Variants in ACAN observed in about 807,000 individuals in gnomAD.
The protein encoded by ACAN is aggrecan.
A neutral mutation model predicts 169.1 loss-of-function variants in ACAN; 47 were observed. The observed-to-expected ratio is 0.28, with a 90% CI of 0.22 to 0.35. The LOEUF (loss-of-function observed/expected upper bound fraction) is 0.35. Among genes scored for constraint, ACAN ranks in the 10% least tolerant of loss-of-function variants. The pLI is 1.00. For missense variants in ACAN, 2,716 were observed against 2,759.9 expected (o/e 0.98, Z 0.36); for synonymous variants, 1,115 against 1,112.2 (o/e 1.00, Z -0.05).
rs1413843996 is a variant in ACAN, at chr15:88,861,632, G to A, written c.6946+1193G>A. On this transcript the variant is annotated intron_variant, in intron 13 of 18. Coordinates refer to ENST00000560601, the MANE Select transcript of ACAN (RefSeq NM_001369268.1). The surrounding 1 kb of genome is among the most constrained non-coding windows in gnomAD (Gnocchi z 6.3). Reference sequence around the variant, plus strand: ...AGGACAGAGAGGGTGGGCTATCCTGGGAAGGTCCCGGGCTTACTGCAGAAG... The same window carrying A: ...AGGACAGAGAGGGTGGGCTATCCTGAGAAGGTCCCGGGCTTACTGCAGAAG... Among the ~76,000 whole-genome samples, 1 of 152,038 alleles carries A rather than the reference G, an allele frequency of 6.6e-6. No homozygotes were observed. The highest frequency in any genetic ancestry group is 2.4e-5 in the African/African-American group (1 of 41,384).
At chr15:88,806,032 A>G (rs1427460045) in intron 1 of ACAN, among the ~76,000 whole-genome samples, 2 of 152,228 alleles carry the variant, frequency 1.3e-5, no homozygotes, top group Non-Finnish European at 2.9e-5. Flanking sequence ...GACAGCCTGC[A>G]TGCAAGGAAG....
In ACAN at chr15:88,874,081, C is replaced by T. The variant is rs768331873; in HGVS notation, c.7630+57C>T. On this transcript the variant is annotated intron_variant, in intron 18 of 18. Transcript: ENST00000560601. This position sits in a 1 kb window ranked among gnomAD's most constrained non-coding sequence, Gnocchi z 7.3. ...CAGGGTTAGATTCTGCCAGCACAGC[C>T]TTCCCCCCGTCCCCTCTCCTGGGGA... 4 of 1,590,586 alleles carry T rather than the reference C, an allele frequency of 2.5e-6. No individual in the cohort carries two copies. Among genetic ancestry groups the T allele is most frequent in the Admixed American group, 3.4e-5 (2 of 59,128 alleles).
chr15:88,842,037 C>T (rs2141572815), intron 5 of ACAN, among the ~76,000 whole-genome samples, 170 bp downstream of exon 5: 1 of 152,228 alleles, frequency 6.6e-6, no homozygotes, highest in East Asian at 1.9e-4. Context: ...AGGTCTGCAC[C>T]CCTCGCACTC....
intron 1 of ACAN, among the ~76,000 whole-genome samples, chr15:88,811,019 G>A (rs542294381): frequency 6.6e-6 from 1 of 152,278 alleles, no homozygotes; most frequent in South Asian, 2.1e-4. Flanking sequence ...GAGTGAGAAG[G>A]TCATGGCCAG....
chr15:88,845,758 G>A lies in ACAN; in HGVS notation c.1305G>A (p.Glu435=), dbSNP rs899445314. 6.2e-7 allele frequency: 1 copy of A among 1,611,074 alleles called. No individual in the cohort carries two copies. The highest frequency in any genetic ancestry group is 8.5e-7 in the Non-Finnish European group (1 of 1,178,296). ...GATAFAEVEN[E]TGEATRPWGF... ...CTGCCTTCGCTGAGGTTGAGAATGA[G>A]ACTGGAGAGGCCACCAGGCCCTGGG... Residue 435 remains glutamate, a synonymous_variant, in exon 7 of 19, where the codon GAG becomes GAA. Coordinates refer to ENST00000560601, the MANE Select transcript of ACAN (RefSeq NM_001369268.1).
At chr15:88,831,649 G>A (rs1388156556) in intron 1 of ACAN, among the ~76,000 whole-genome samples, 2 of 152,238 alleles carry the variant, frequency 1.3e-5, no homozygotes, top group Non-Finnish European at 2.9e-5. Flanking sequence ...ATGAGGGCCA[G>A]GCCCCCTGGC....
rs768785244 is a variant in ACAN, at chr15:88,861,561, G to T, written c.6946+1122G>T. Among the ~76,000 whole-genome samples the T allele has an allele frequency of 6.6e-6, 1 of 151,920 alleles. No homozygotes were observed. Among genetic ancestry groups the T allele is most frequent in the Non-Finnish European group, 1.5e-5 (1 of 68,008 alleles). On this transcript the variant is annotated intron_variant, in intron 13 of 18. Coordinates refer to ENST00000560601, the MANE Select transcript of ACAN (RefSeq NM_001369268.1). This position sits in a 1 kb window ranked among gnomAD's most constrained non-coding sequence, Gnocchi z 6.3. The stretch of plus-strand genomic sequence containing the variant: ...ACTATATATGTATATATAAACAGAC[G>T]TTAGGGTAGATATTCATTCACTCTT...
At chr15:88,829,370 C>A (rs4932432) in intron 1 of ACAN, among the ~76,000 whole-genome samples, 95,728 of 151,984 alleles carry the variant, frequency 0.63, 30,591 homozygotes, top group Middle Eastern at 0.73. Context: ...TAGGACAGAG[C>A]TGGGACTGAA....
At chr15:88,834,547 G>C (rs1402642068) in intron 1 of ACAN, among the ~76,000 whole-genome samples, 1 of 152,234 alleles carries the variant, frequency 6.6e-6, no homozygotes, top group Non-Finnish European at 1.5e-5. Flanking sequence ...GCAAAAGTCT[G>C]GGAATGCCAC....
chr15:88,853,745 G>GATAC lies in ACAN; in HGVS notation c.2267-1104_2267-1103insCATA, dbSNP rs1303267596. 1.6e-3 allele frequency among the ~76,000 whole-genome samples: 199 copies of GATAC among 124,910 alleles called. 1 individual carries two copies. Among genetic ancestry groups the GATAC allele is most frequent in the Admixed American group, 2.2e-3 (28 of 12,984 alleles). 81.9% of individuals were successfully genotyped at this position (124,910 alleles called of 152,430 possible). ...TAGATAAATAGATAGATGATAGATAGATAGATAGATACATACATACATACA... is the reference window on the plus strand; with the variant it reads ...TAGATAAATAGATAGATGATAGATAGATACATAGATAGATACATACATACATACA... On this transcript the variant is annotated intron_variant, in intron 11 of 18. Coordinates refer to ENST00000560601, the MANE Select transcript of ACAN (RefSeq NM_001369268.1).
chr15:88,846,076 C>T (rs534533767), intron 7 of ACAN, among the ~76,000 whole-genome samples, 194 bp downstream of exon 7: 2 of 152,316 alleles, frequency 1.3e-5, no homozygotes, highest in Non-Finnish European at 2.9e-5. Context: ...CACACTCTTG[C>T]CACCAGGGAT....
At chr15:88,821,055 A>G (rs1428301827) in intron 1 of ACAN, among the ~76,000 whole-genome samples, 1 of 152,216 alleles carries the variant, frequency 6.6e-6, no homozygotes, top group Non-Finnish European at 1.5e-5. Flanking sequence ...ATGAGAACTC[A>G]TCACTATCAA....
At chr15:88,848,906 G>A (rs1788033821) in intron 9 of ACAN, among the ~76,000 whole-genome samples, 1 of 152,246 alleles carries the variant, frequency 6.6e-6, no homozygotes, top group Non-Finnish European at 1.5e-5. Flanking sequence ...TGTTCAGTAA[G>A]TGTAAGCCCT....
At position 88,861,506 on chromosome 15, in the gene ACAN, AC is replaced by A. The variant is rs1333891593; in HGVS notation, c.6946+1068del. On this transcript the variant is annotated intron_variant, in intron 13 of 18. Coordinates refer to ENST00000560601, the MANE Select transcript of ACAN (RefSeq NM_001369268.1). The surrounding 1 kb of genome is among the most constrained non-coding windows in gnomAD (Gnocchi z 6.3). ...TTATATATTATTATATATCATATAA[AC>A]ATGCTGTATACATGGTACATATGCA... is the stretch of plus-strand genomic sequence containing the variant. 5.3e-5 allele frequency among the ~76,000 whole-genome samples: 8 copies of A among 152,086 alleles called. No individual in the cohort carries two copies. The highest frequency in any genetic ancestry group is 1.2e-4 in the Non-Finnish European group (8 of 68,006).
Position 88,841,394 on chromosome 15 carries a change from C to T in ACAN, c.630-346C>T, listed in dbSNP as rs117014122. Among the ~76,000 whole-genome samples the T allele has an allele frequency of 5.8e-4, 88 of 152,308 alleles. No homozygotes were observed. The East Asian group carries it at 0.013, about 23-fold the overall frequency. Reference sequence around the variant, plus strand: ...AAAGTTTTATTGGGACACAGTCACACCCATTTGCATATCTGTGGGTGCTTC... The same window carrying T: ...AAAGTTTTATTGGGACACAGTCACATCCATTTGCATATCTGTGGGTGCTTC... On this transcript the variant is annotated intron_variant, in intron 4 of 18. Transcript: ENST00000560601.
In ACAN at chr15:88,855,124, C is replaced by T; in HGVS notation, c.2539C>T (p.Pro847Ser). Residue 847 changes from proline to serine, a missense_variant, in exon 12 of 19, where the codon CCC becomes TCC. This residue lies in a region of ACAN where 1,283 missense variants were observed against 1,281.5 expected (regional missense o/e 1.00). Transcript: ENST00000560601. ...GGAAGAGCCGTATACACCTTCACCC[C>T]CCGTGCCCAGCTGGACTGAGCTGCC... ...ASEEPYTPSP[P>S]VPSWTELPSS... 1.2e-6 allele frequency: 2 copies of T among 1,607,414 alleles called. No homozygotes were observed. The highest frequency in any genetic ancestry group is 1.3e-5 in the African/African-American group (1 of 74,926).
At position 88,839,956 on chromosome 15, in the gene ACAN, A is replaced by G; in HGVS notation, c.455-56A>G. On this transcript the variant is annotated intron_variant, in intron 3 of 18. Transcript: ENST00000560601. The surrounding 1 kb of genome is among the most constrained non-coding windows in gnomAD (Gnocchi z 4.5). ...CCATAATTCTGCGAGGGCCTCGGTGATCAGAGACTGTGCCTGACCAGCTCT... is the reference window on the plus strand; with the variant it reads ...CCATAATTCTGCGAGGGCCTCGGTGGTCAGAGACTGTGCCTGACCAGCTCT... 1.3e-6 allele frequency: 2 copies of G among 1,552,090 alleles called. No homozygotes were observed. The highest frequency in any genetic ancestry group is 1.7e-6 in the Non-Finnish European group (2 of 1,144,340).
At chr15:88,810,279 TA>T (rs148961416) in intron 1 of ACAN, among the ~76,000 whole-genome samples, 14,975 of 152,082 alleles carry the variant, frequency 0.098, 851 homozygotes, top group Middle Eastern at 0.17. Flanking sequence ...GTCCTTGGGT[TA>T]CCCATTGTCC....
rs185024916 is a variant in ACAN, at chr15:88,868,333, C to T, written c.7060+4C>T. ...GAAGGGGACCTGTGTGAGATTGGTA[C>T]GGCCGTCTTGGCTTCAGCTAATGTT... On this transcript the variant is annotated splice_donor_region_variant and intron_variant, in intron 14 of 18. Transcript: ENST00000560601. The surrounding 1 kb of genome is among the most constrained non-coding windows in gnomAD (Gnocchi z 5.2). 1.8e-4 allele frequency: 127 copies of T among 702,462 alleles called. 1 individual carries two copies. Among genetic ancestry groups the T allele is most frequent in the African/African-American group, 1.7e-3 (99 of 57,330 alleles). 43.5% of individuals were successfully genotyped at this position (702,462 alleles called of 1,614,324 possible).
Sources: allele counts gnomAD v4.1 joint callset (sites outside exome capture counted in the v4.1 genomes callset), GRCh38; gene constraint gnomAD v4.1.1; regional missense constraint gnomAD v4.1.1; non-coding constraint Gnocchi (gnomAD v3.1); transcripts MANE v1.5; gene names NCBI Gene and HGNC (gene_info 2026-07-23, HGNC 2026-07-21).